GLUD1: variants seen among roughly 807,000 people sequenced by gnomAD.
GLUD1 encodes the protein glutamate dehydrogenase 1, mitochondrial.
A neutral mutation model predicts 56.0 loss-of-function variants in GLUD1; 22 were observed. That is an observed-to-expected ratio of 0.39 (90% CI 0.28 to 0.56). The LOEUF is 0.56. Among genes scored for constraint, GLUD1 ranks in the 20% least tolerant of loss-of-function variants. The pLI is 0.58. For missense variants in GLUD1, 451 were observed against 732.0 expected (o/e 0.62, Z 4.43); for synonymous variants, 223 against 269.9 (o/e 0.83, Z 1.70).
intron 12 of GLUD1, among the ~76,000 whole-genome samples, chr10:87,052,612 G>T (rs951967619): frequency 5.9e-5 from 8 of 136,484 alleles, no homozygotes; most frequent in African/African-American, 2.2e-4. Context: ...GGAGGTTACA[G>T]TGAGCTGAAA....
chr10:87,073,221 G>A (rs567888070), intron 4 of GLUD1, among the ~76,000 whole-genome samples: 35 of 152,242 alleles, frequency 2.3e-4, no homozygotes, highest in African/African-American at 8.2e-4. Context: ...AGAGTGCAGT[G>A]GCACAATCAT....
intron 1 of GLUD1, among the ~76,000 whole-genome samples, chr10:87,077,330 A>G (rs1322501048): frequency 1.3e-5 from 2 of 152,090 alleles, no homozygotes; most frequent in Non-Finnish European, 2.9e-5. Context: ...CTTTCTGATA[A>G]TTCACAAACA....
At chr10:87,074,745 T>A in intron 3 of GLUD1, 131 bp from the exon 4 acceptor site, 1 of 663,888 alleles carries the variant, frequency 1.5e-6, no homozygotes. Flanking sequence ...GAACAACTCA[T>A]AAAGTAGGCA....
intron 10 of GLUD1, among the ~76,000 whole-genome samples, chr10:87,058,159 C>A (rs185684093): frequency 1.3e-5 from 2 of 152,116 alleles, no homozygotes; most frequent in Admixed American, 6.6e-5. Context: ...TGAGCCACTG[C>A]GCCTGGCCTT....
intron 5 of GLUD1, among the ~76,000 whole-genome samples, chr10:87,064,822 G>A (rs1034033090): frequency 3.3e-5 from 5 of 152,188 alleles, no homozygotes; most frequent in Admixed American, 1.3e-4. Context: ...GCAAATGCTG[G>A]AGCTGAAGGA....
intron 5 of GLUD1, among the ~76,000 whole-genome samples, chr10:87,064,676 G>A (rs1344112183): frequency 6.6e-6 from 1 of 152,178 alleles, no homozygotes; most frequent in Non-Finnish European, 1.5e-5. Flanking sequence ...AAGGATGAAA[G>A]CAAGGAAGAA....
chr10:87,076,743 A>C, intron 1 of GLUD1, 87 bp from the exon 2 acceptor site: 1 of 826,946 alleles, frequency 1.2e-6, no homozygotes. Context: ...TTCAAAAAAG[A>C]AAGCTACAAA....
chr10:87,053,133 C>G (rs116730233), intron 12 of GLUD1, among the ~76,000 whole-genome samples: 2,445 of 152,250 alleles, frequency 0.016, 58 homozygotes, highest in African/African-American at 0.054. Flanking sequence ...CTTATTATTT[C>G]TTTCCAAAGC....
intron 5 of GLUD1, 32 bp from the exon 6 acceptor site, chr10:87,062,867 G>T: frequency 6.3e-7 from 1 of 1,591,606 alleles, no homozygotes; most frequent in Non-Finnish European, 8.6e-7. Context: ...AGAATGAAAT[G>T]TCAAGTCCAA....
At chr10:87,091,853 A>G (rs1160923803) in intron 1 of GLUD1, among the ~76,000 whole-genome samples, 1 of 151,584 alleles carries the variant, frequency 6.6e-6, no homozygotes, top group Non-Finnish European at 1.5e-5. Flanking sequence ...GGAGAGAGGC[A>G]GATGAGGTTT....
chr10:87,094,567 T>C lies in GLUD1; in HGVS notation c.203A>G (p.Lys68Arg). Residue 68 changes from lysine (K) to arginine (R), a missense_variant, in exon 1 of 13, where the codon AAG (lysine) becomes AGG (arginine). Lys to Arg is a conservative substitution (Grantham distance 26). Around this residue, in one of 4 missense-constraint regions of GLUD1, gnomAD observed 158 missense variants for 189.7 expected, o/e 0.83. Transcript: ENST00000277865. This position sits in a 1 kb window ranked among gnomAD's most constrained non-coding sequence, Gnocchi z 6.6. ...ADREDDPNFFKMVEGFFDRGA... is the reference protein window; with the variant it reads ...ADREDDPNFFRMVEGFFDRGA... Reference sequence around the variant, plus strand: ...GCGATCGAAGAAGCCCTCCACCATCTTGAAGAAGTTGGGGTCGTCCTCGCG... The same window carrying C: ...GCGATCGAAGAAGCCCTCCACCATCCTGAAGAAGTTGGGGTCGTCCTCGCG... The C allele has an allele frequency of 1.9e-6, 3 of 1,611,924 alleles. No individual in the cohort carries two copies. Among genetic ancestry groups the C allele is most frequent in the Non-Finnish European group, 2.5e-6 (3 of 1,179,876 alleles).
intron 12 of GLUD1, among the ~76,000 whole-genome samples, chr10:87,052,361 G>A (rs549683947): frequency 5.0e-4 from 76 of 152,134 alleles, no homozygotes; most frequent in African/African-American, 1.8e-3. Context: ...GGGGGTGGGC[G>A]CCTGTAATCC....
chr10:87,068,017 G>T, intron 5 of GLUD1, 46 bp downstream of exon 5: 1 of 1,097,922 alleles, frequency 9.1e-7, no homozygotes, highest in Non-Finnish European at 1.4e-6. Flanking sequence ...GTTAATTCTT[G>T]TAGACAGCAA....
At position 87,093,994 on chromosome 10, in the gene GLUD1, T is replaced by G. The variant is rs1027341633; in HGVS notation, c.445+331A>C. On this transcript the variant is annotated intron_variant, in intron 1 of 12. Transcript: ENST00000277865. Reference sequence around the variant, plus strand: ...GGCAGGTCATTCCCTTTCCTAGAAGTGCATTTCGGCAGGACCCGCCGTGTG... The same window carrying G: ...GGCAGGTCATTCCCTTTCCTAGAAGGGCATTTCGGCAGGACCCGCCGTGTG... The G allele has an allele frequency of 4.9e-6, 7 of 1,443,166 alleles. No individual in the cohort carries two copies. The African/African-American group carries it at 9.9e-5, about 20-fold the overall frequency. The allele number at this position is 1,443,166 out of a possible 1,614,324, so 89.4% of individuals were successfully genotyped here.
intron 1 of GLUD1, chr10:87,091,622 A>T: frequency 3.1e-6 from 3 of 958,772 alleles, no homozygotes; most frequent in Non-Finnish European, 3.7e-6. Flanking sequence ...TACATGTAGT[A>T]ACTGGGAAAA....
chr10:87,093,004 A>G (rs1178689091), intron 1 of GLUD1, among the ~76,000 whole-genome samples: 1 of 152,204 alleles, frequency 6.6e-6, no homozygotes, highest in Non-Finnish European at 1.5e-5. Flanking sequence ...AGTGGTTCAA[A>G]CATTGGTTTT....
chr10:87,054,198 G>A (rs1171322887), intron 11 of GLUD1, among the ~76,000 whole-genome samples: 1 of 152,116 alleles, frequency 6.6e-6, no homozygotes, highest in African/African-American at 2.4e-5. Flanking sequence ...TACTCTTCCA[G>A]GTACTAGGGG....
At chr10:87,059,498 G>A (rs949477363) in intron 9 of GLUD1, among the ~76,000 whole-genome samples, 4 of 151,366 alleles carry the variant, frequency 2.6e-5, no homozygotes, top group Admixed American at 6.6e-5. Context: ...ATCATTTTTT[G>A]GCTTATTAAT....
At chr10:87,071,616 A>G (rs1846240997) in intron 4 of GLUD1, among the ~76,000 whole-genome samples, 1 of 152,232 alleles carries the variant, frequency 6.6e-6, no homozygotes, top group Non-Finnish European at 1.5e-5. Context: ...ACAGAGATAT[A>G]AGGGGATGAG....
Sources: allele counts gnomAD v4.1 joint callset (sites outside exome capture counted in the v4.1 genomes callset), GRCh38; gene constraint gnomAD v4.1.1; regional missense constraint gnomAD v4.1.1; non-coding constraint Gnocchi (gnomAD v3.1); transcripts MANE v1.5; gene names NCBI Gene and HGNC (gene_info 2026-07-23, HGNC 2026-07-21).